ZMAT5: variants seen among roughly 807,000 people sequenced by gnomAD.
ZMAT5 encodes the protein zinc finger matrin-type 5.
In ZMAT5, 23 loss-of-function variants were observed where a neutral mutation model predicts 28.0. That is an observed-to-expected ratio of 0.82 (90% confidence interval 0.59 to 1.16). The LOEUF (loss-of-function observed/expected upper bound fraction) is 1.16. Among genes scored for constraint, ZMAT5 ranks in the 50% most tolerant of loss-of-function variants. ZMAT5 has a pLI of 0.00. For synonymous variants in ZMAT5, 76 were observed against 84.1 expected (o/e 0.90, Z 0.52); for missense variants, 173 against 212.7 (o/e 0.81, Z 1.16).
At chr22:29,737,822 T>C (rs934367623) in intron 5 of ZMAT5, among the ~76,000 whole-genome samples, 4 of 152,008 alleles carry the variant, frequency 2.6e-5, no homozygotes, top group African/African-American at 9.7e-5. Flanking sequence ...CCCCTTCTAC[T>C]TGTGAGCGTC....
Position 29,748,268 on chromosome 22 carries a change from C to T in ZMAT5, c.127+150G>A, listed in dbSNP as rs1031675687. 1.7e-5 allele frequency: 19 copies of T among 1,115,696 alleles called. No individual in the cohort carries two copies. In the African/African-American group the frequency reaches 2.0e-4, roughly 12 times the overall value. 69.1% of individuals were successfully genotyped at this position (1,115,696 alleles called of 1,614,324 possible). A position where few individuals can be genotyped will look rare whatever the true frequency, so the allele number is the denominator to read the frequency against. ...GAAAGAGCTCACCTACCAGCCTGCT[C>T]CTCTGAGGGCCCAGTGGCTCAGGCC... On this transcript the variant is annotated intron_variant, in intron 2 of 5. Coordinates refer to ENST00000344318, the MANE Select transcript of ZMAT5 (RefSeq NM_001003692.2).
chr22:29,731,125 G>A lies in ZMAT5; in HGVS notation c.*100C>T. 2.3e-6 allele frequency: 3 copies of A among 1,304,812 alleles called. No individual in the cohort carries two copies. Among genetic ancestry groups the A allele is most frequent in the Non-Finnish European group, 1.0e-6 (1 of 988,472 alleles). The allele number at this position is 1,304,812 out of a possible 1,614,324, so 80.8% of individuals were successfully genotyped here. A position where few individuals can be genotyped will look rare whatever the true frequency, so the allele number is the denominator to read the frequency against. On this transcript the variant is annotated 3_prime_UTR_variant, in exon 6 of 6. Coordinates refer to ENST00000344318, the MANE Select transcript of ZMAT5 (RefSeq NM_001003692.2). ...GAGCCTCAGTGAGGCTGGGCAGATGGTCTCGGAGCCTCCATGGGGCGTAGC... is the reference window on the plus strand; with the variant it reads ...GAGCCTCAGTGAGGCTGGGCAGATGATCTCGGAGCCTCCATGGGGCGTAGC...
At chr22:29,738,722 G>A (rs2067931843) in intron 4 of ZMAT5, among the ~76,000 whole-genome samples, 1 of 152,138 alleles carries the variant, frequency 6.6e-6, no homozygotes, top group Non-Finnish European at 1.5e-5. Context: ...ACCTGGCCCT[G>A]GCCAGGCGTG....
chr22:29,733,308 C>T (rs1296146330), intron 5 of ZMAT5, among the ~76,000 whole-genome samples: 3 of 152,172 alleles, frequency 2.0e-5, no homozygotes, highest in Admixed American at 6.5e-5. Context: ...CTTGGGCCTG[C>T]GGAGAGGGGT....
At chr22:29,738,246 G>T in intron 5 of ZMAT5, 84 bp downstream of exon 5, 1 of 1,306,140 alleles carries the variant, frequency 7.7e-7, no homozygotes, top group Non-Finnish European at 1.1e-6. Flanking sequence ...AGTTCATGGA[G>T]ATTCCTGAGC....
chr22:29,737,591 G>A (rs972448873), intron 5 of ZMAT5, among the ~76,000 whole-genome samples: 4 of 152,184 alleles, frequency 2.6e-5, no homozygotes, highest in African/African-American at 9.7e-5. Flanking sequence ...AGTCGCATGC[G>A]GCTCCTGGGC....
chr22:29,763,688 C>A (rs1351436218), intron 1 of ZMAT5, among the ~76,000 whole-genome samples: 1 of 151,920 alleles, frequency 6.6e-6, no homozygotes, highest in Non-Finnish European at 1.5e-5. Context: ...TTTGGAAGGC[C>A]AAGGTGGGTG....
rs762182323 is a variant in ZMAT5, at chr22:29,731,262, C to T, written c.476G>A (p.Gly159Glu). The change falls in exon 6 of 6, where the codon GGG (glycine) becomes GAG (glutamate). Residue 159 changes from glycine to glutamate, a missense_variant. Physicochemically the swap from Gly to Glu is moderately conservative, Grantham distance 98. Coordinates refer to ENST00000344318, the MANE Select transcript of ZMAT5 (RefSeq NM_001003692.2). ...LPPSLRAPPPGGWPLQPRVQW... is the reference protein window; with the variant it reads ...LPPSLRAPPPEGWPLQPRVQW... ...GACTCTGGGCTGCAGAGGCCACCCC[C>T]CAGGTGGGGGTGCCCGCAGGGATGG... is the stretch of plus-strand genomic sequence containing the variant. 1.3e-6 allele frequency: 2 copies of T among 1,518,176 alleles called. No homozygotes were observed. Among genetic ancestry groups the T allele is most frequent in the Non-Finnish European group, 1.7e-6 (2 of 1,146,672 alleles). 94.0% of individuals were successfully genotyped at this position (1,518,176 alleles called of 1,614,324 possible).
At chr22:29,742,707 C>T (rs533796041) in intron 2 of ZMAT5, among the ~76,000 whole-genome samples, 32 of 152,186 alleles carry the variant, frequency 2.1e-4, no homozygotes, top group African/African-American at 3.1e-4. Flanking sequence ...CCACGCAGGA[C>T]GGGCCAAAGA....
intron 1 of ZMAT5, among the ~76,000 whole-genome samples, chr22:29,766,039 A>C (rs2068207882): frequency 6.6e-6 from 1 of 151,640 alleles, no homozygotes; most frequent in South Asian, 2.1e-4. Context: ...AAAAGACAAG[A>C]CTCCTTGGCC....
chr22:29,740,645 C>G lies in ZMAT5; in HGVS notation c.271+5G>C. The G allele has an allele frequency of 6.3e-7, 1 of 1,596,618 alleles. No homozygotes were observed. The highest frequency in any genetic ancestry group is 1.1e-5 in the South Asian group (1 of 87,688). Reference sequence around the variant, plus strand: ...CCGCTTAGCCCAGGGCATCCCGAGACGTACCCTCCACCTGGATGCTCAGCT... The same window carrying G: ...CCGCTTAGCCCAGGGCATCCCGAGAGGTACCCTCCACCTGGATGCTCAGCT... On this transcript the variant is annotated splice_donor_5th_base_variant and intron_variant, in intron 4 of 5. Transcript: ENST00000344318.
chr22:29,753,856 G>T (rs2068076238), intron 1 of ZMAT5, among the ~76,000 whole-genome samples: 1 of 152,088 alleles, frequency 6.6e-6, no homozygotes, highest in South Asian at 2.1e-4. Context: ...CCTTCAACAA[G>T]ATGACCTCGC....
intron 5 of ZMAT5, among the ~76,000 whole-genome samples, chr22:29,734,651 A>G (rs936518869): frequency 2.6e-5 from 4 of 152,200 alleles, no homozygotes; most frequent in Admixed American, 2.0e-4. Context: ...TCTGCCAGGC[A>G]GAGAGGTGGG....
chr22:29,759,593 C>T (rs747250284), intron 1 of ZMAT5, among the ~76,000 whole-genome samples: 7 of 151,512 alleles, frequency 4.6e-5, no homozygotes, highest in Middle Eastern at 3.2e-3. Context: ...AGTGAGACCC[C>T]GTCTCTAAAA....
At chr22:29,754,005 T>C (rs994123175) in intron 1 of ZMAT5, among the ~76,000 whole-genome samples, 1 of 151,740 alleles carries the variant, frequency 6.6e-6, no homozygotes, top group Non-Finnish European at 1.5e-5. Flanking sequence ...GCAAGCAGAA[T>C]GCCGGCTGGA....
At chr22:29,747,420 A>C (rs1469984925) in intron 2 of ZMAT5, 2 of 152,290 alleles carry the variant, frequency 1.3e-5, no homozygotes, top group African/African-American at 4.8e-5. Context: ...CCTAGCCCCA[A>C]CCAGGGAACT....
intron 1 of ZMAT5, among the ~76,000 whole-genome samples, chr22:29,762,250 TA>T (rs556635227): frequency 6.6e-6 from 1 of 152,190 alleles, no homozygotes; most frequent in African/African-American, 2.4e-5. Flanking sequence ...CAAATATTAA[TA>T]AAAAAATTAA....
chr22:29,764,811 G>C (rs151132232), intron 1 of ZMAT5, among the ~76,000 whole-genome samples: 119 of 152,120 alleles, frequency 7.8e-4, no homozygotes, highest in African/African-American at 2.7e-3. Flanking sequence ...CCCCTAGTTT[G>C]TTTTTCATGG....
At chr22:29,758,372 T>C (rs2068123722) in intron 1 of ZMAT5, among the ~76,000 whole-genome samples, 2 of 152,206 alleles carry the variant, frequency 1.3e-5, no homozygotes, top group Admixed American at 6.5e-5. Context: ...TCCCAGCACC[T>C]TGGGAGGCCA....
Sources: allele counts gnomAD v4.1 joint callset (sites outside exome capture counted in the v4.1 genomes callset), GRCh38; gene constraint gnomAD v4.1.1; transcripts MANE v1.5; gene names NCBI Gene and HGNC (gene_info 2026-07-23, HGNC 2026-07-21).